Variants in OLFM4 observed in about 807,000 individuals in gnomAD.
The protein encoded by OLFM4 is olfactomedin 4, also known as olfactomedin-4.
Under a neutral mutation model 25.5 loss-of-function variants are expected in OLFM4, and 22 were observed. That is an observed-to-expected ratio of 0.86 (90% CI 0.62 to 1.23). The LOEUF (loss-of-function observed/expected upper bound fraction) is 1.23, where lower values mean the gene tolerates loss of function less well. OLFM4 is among the 50% of genes most tolerant of loss of function. The pLI is 0.00. For synonymous variants in OLFM4, 255 were observed against 237.7 expected (o/e 1.07, Z -0.67); for missense variants, 594 against 619.4 (o/e 0.96, Z 0.44).
chr13:53,037,067 A>G (rs1954662635), intron 2 of OLFM4, among the ~76,000 whole-genome samples: 1 of 152,230 alleles, frequency 6.6e-6, no homozygotes, highest in South Asian at 2.1e-4. Flanking sequence ...AGCTGTCCCT[A>G]GGTTGCCTTG....
chr13:53,039,467 GAAAAAAACTAAT>G (rs948864749), intron 2 of OLFM4, among the ~76,000 whole-genome samples: 3 of 151,720 alleles, frequency 2.0e-5, no homozygotes, highest in Non-Finnish European at 4.4e-5. Flanking sequence ...AAATTTCACG[GAAAAAAACTAAT>G]AAAAATAACC....
intron 1 of OLFM4, among the ~76,000 whole-genome samples, chr13:53,032,669 C>G (rs552041863): frequency 1.3e-4 from 20 of 151,960 alleles, no homozygotes; most frequent in Non-Finnish European, 2.2e-4. Context: ...AAATTGAGAC[C>G]AAGGTAATAA....
intron 4 of OLFM4, among the ~76,000 whole-genome samples, chr13:53,047,648 T>C (rs547989111): frequency 6.6e-6 from 1 of 152,276 alleles, no homozygotes; most frequent in Non-Finnish European, 1.5e-5. Context: ...AATTTGAATT[T>C]TCTGGTCAAC....
In OLFM4 at chr13:53,029,022, C is replaced by A. The variant is rs140500009; in HGVS notation, c.186C>A (p.Ser62Arg). 1.9e-6 allele frequency: 3 copies of A among 1,613,988 alleles called. No individual in the cohort carries two copies. The highest frequency in any genetic ancestry group is 2.7e-5 in the African/African-American group (2 of 74,906). ...CCAGCTCCAGCCGCAGCTTAGGCAG[C>A]GGAGGTTCTGTGTCCCAGGTGAGGA... ...SGSSSSRSLG[S>R]GGSVSQLFSN... The change falls in exon 1 of 5, where the codon AGC becomes AGA. Residue 62 changes from serine (S) to arginine (R), a missense_variant. Coordinates refer to ENST00000219022, the MANE Select transcript of OLFM4 (RefSeq NM_006418.5).
intron 2 of OLFM4, among the ~76,000 whole-genome samples, chr13:53,040,819 G>A (rs566068401): frequency 6.6e-6 from 1 of 152,182 alleles, no homozygotes; most frequent in Non-Finnish European, 1.5e-5. Context: ...ATACAAACCA[G>A]TTTAGTTTGG....
intron 2 of OLFM4, among the ~76,000 whole-genome samples, chr13:53,038,353 G>T (rs1052049098): frequency 6.6e-6 from 1 of 152,076 alleles, no homozygotes; most frequent in Non-Finnish European, 1.5e-5. Flanking sequence ...TAAATGCATC[G>T]TTAGGTGATT....
rs776702692 is a variant in OLFM4 at position 53,028,836 on chromosome 13, G to T, written c.-1G>T. 1.1e-5 allele frequency: 17 copies of T among 1,614,014 alleles called. No individual in the cohort carries two copies. The highest frequency in any genetic ancestry group is 1.3e-5 in the African/African-American group (1 of 74,946). On this transcript the variant is annotated 5_prime_UTR_variant, in exon 1 of 5. Coordinates refer to ENST00000219022, the MANE Select transcript of OLFM4 (RefSeq NM_006418.5). ...CCAGCGGCTCCAGCTAAGAGGACAAGATGAGGCCCGGCCTCTCATTTCTCC... is the reference window on the plus strand; with the variant it reads ...CCAGCGGCTCCAGCTAAGAGGACAATATGAGGCCCGGCCTCTCATTTCTCC...
At chr13:53,049,694 A>G (rs2298235) in intron 4 of OLFM4, among the ~76,000 whole-genome samples, 15,158 of 152,176 alleles carry the variant, frequency 0.1, 1,417 homozygotes, top group African/African-American at 0.24. Flanking sequence ...TTTTAAATAT[A>G]GTTCTTGCTG....
intron 2 of OLFM4, among the ~76,000 whole-genome samples, chr13:53,035,175 A>C (rs1954651749): frequency 6.7e-6 from 1 of 149,030 alleles, no homozygotes; most frequent in Non-Finnish European, 1.5e-5. Context: ...CTTTCCTTTA[A>C]CCCTTTTTTA....
Position 53,050,620 on chromosome 13 carries a change from C to G in OLFM4, c.1382C>G (p.Thr461Arg). 1 of 1,613,960 alleles carries G rather than the reference C, an allele frequency of 6.2e-7. No homozygotes were observed. Among genetic ancestry groups the G allele is most frequent in the South Asian group, 1.1e-5 (1 of 91,068 alleles). The change falls in exon 5 of 5, where the codon ACA becomes AGA. Residue 461 changes from threonine (T) to arginine (R), a missense_variant. Thr to Arg is a moderately conservative substitution (Grantham distance 71). Coordinates refer to ENST00000219022, the MANE Select transcript of OLFM4 (RefSeq NM_006418.5). ...ATTTTTTACTATTATGACACAAACA[C>G]AGGGAAAGAGGGCAAACTAGACATT... ...EEIFYYYDTNTGKEGKLDIVM... is the reference protein window; with the variant it reads ...EEIFYYYDTNRGKEGKLDIVM...
chr13:53,032,860 T>C (rs918888874), intron 1 of OLFM4, among the ~76,000 whole-genome samples: 3 of 152,110 alleles, frequency 2.0e-5, no homozygotes, highest in Non-Finnish European at 4.4e-5. Context: ...GATCAGGCAT[T>C]ATGGAGGTTG....
intron 1 of OLFM4, among the ~76,000 whole-genome samples, chr13:53,030,192 CAA>C (rs1954621554): frequency 6.6e-6 from 1 of 152,172 alleles, no homozygotes; most frequent in Admixed American, 6.5e-5. Context: ...TGATAATTAA[CAA>C]ATGATTTGGA....
Position 53,045,669 on chromosome 13 carries a change from C to G in OLFM4, c.730+2405C>G, listed in dbSNP as rs574160068. Among the ~76,000 whole-genome samples the G allele has an allele frequency of 2.8e-4, 43 of 152,298 alleles. No homozygotes were observed. The South Asian group carries it at 8.3e-3, about 29-fold the overall frequency. On this transcript the variant is annotated intron_variant, in intron 4 of 4. Transcript: ENST00000219022. ...GTCTCAGCTCTAAAGTAACTCTGCG[C>G]TCTCTGGGCCCCCTCCCTTATAGCT...
At chr13:53,036,258 T>C (rs1954657804) in intron 2 of OLFM4, among the ~76,000 whole-genome samples, 1 of 152,224 alleles carries the variant, frequency 6.6e-6, no homozygotes, top group Admixed American at 6.5e-5. Context: ...TTATAAATTC[T>C]AACCATTAAT....
At chr13:53,030,586 C>T (rs1306139619) in intron 1 of OLFM4, among the ~76,000 whole-genome samples, 1 of 152,174 alleles carries the variant, frequency 6.6e-6, no homozygotes, top group East Asian at 1.9e-4. Flanking sequence ...CAGGCATGAG[C>T]CACCGCACCT....
At chr13:53,049,436 G>A (rs561661669) in intron 4 of OLFM4, among the ~76,000 whole-genome samples, 4 of 152,124 alleles carry the variant, frequency 2.6e-5, no homozygotes, top group African/African-American at 4.8e-5. Context: ...TCCCAAGGAA[G>A]GGGAGAGTGA....
chr13:53,049,182 A>G (rs902026677), intron 4 of OLFM4, among the ~76,000 whole-genome samples: 1 of 152,152 alleles, frequency 6.6e-6, no homozygotes, highest in Non-Finnish European at 1.5e-5. Context: ...CATATGGGTT[A>G]TGAACAGCAG....
intron 2 of OLFM4, among the ~76,000 whole-genome samples, chr13:53,039,884 G>A (rs892114486): frequency 1.3e-5 from 2 of 152,148 alleles, no homozygotes; most frequent in South Asian, 2.1e-4. Flanking sequence ...TTTGCCTGAA[G>A]CCCTAGCCCT....
chr13:53,043,102 T>C lies in OLFM4; in HGVS notation c.571-3T>C, dbSNP rs879246259. 2.5e-6 allele frequency: 4 copies of C among 1,579,894 alleles called. No homozygotes were observed. Among genetic ancestry groups the C allele is most frequent in the South Asian group, 2.3e-5 (2 of 85,570 alleles). ...AAGTCACTCTGAATTTTTATTTCCTTAGATAAGAAATATGACTCTCTTGGT... is the reference window on the plus strand; with the variant it reads ...AAGTCACTCTGAATTTTTATTTCCTCAGATAAGAAATATGACTCTCTTGGT... On this transcript the variant is annotated splice_polypyrimidine_tract_variant and splice_region_variant and intron_variant, in intron 3 of 4. Coordinates refer to ENST00000219022, the MANE Select transcript of OLFM4 (RefSeq NM_006418.5).
Sources: gnomAD v4.1 joint callset for allele counts (sites outside exome capture counted in the v4.1 genomes callset) on GRCh38, gnomAD v4.1.1 for gene constraint, MANE v1.5 for transcripts, NCBI Gene and HGNC (gene_info 2026-07-23, HGNC 2026-07-21) for gene names.